ABCB1: variants seen among roughly 807,000 people sequenced by gnomAD.
The protein encoded by ABCB1 is ATP binding cassette subfamily B member 1.
In ABCB1, 69 loss-of-function variants were observed where a neutral mutation model predicts 142.0. The ratio of observed to expected loss-of-function variants is 0.49; its 90% confidence interval spans 0.40 to 0.59. The LOEUF is 0.59. Ranked by LOEUF, ABCB1 falls within the 20% of genes least tolerant of loss-of-function variation. The probability of loss-of-function intolerance (pLI) is 0.00; values close to 1 mark genes in which losing one functional copy is unlikely to be tolerated. For missense variants in ABCB1, 1,326 were observed against 1,554.7 expected, an observed-to-expected ratio of 0.85 and a Z score of 2.47; for synonymous variants, 532 against 539.2, an observed-to-expected ratio of 0.99 and a Z score of 0.18.
intron 1 of ABCB1, among the ~76,000 whole-genome samples, chr7:87,670,265 G>A (rs1303850000): frequency 3.3e-5 from 5 of 152,160 alleles, no homozygotes; most frequent in Non-Finnish European, 5.9e-5. Flanking sequence ...TTCTTCTGCT[G>A]TCAATACTTG....
intron 20 of ABCB1, among the ~76,000 whole-genome samples, chr7:87,533,687 A>G (rs2117136497): frequency 6.6e-6 from 1 of 152,310 alleles, no homozygotes. Context: ...TAGTAGCCAG[A>G]AAATTTTCAT....
In ABCB1 at chr7:87,592,436, C is replaced by T. The variant is rs1243779936; in HGVS notation, c.117+3330G>A. Among the ~76,000 whole-genome samples the T allele has an allele frequency of 2.0e-5, 3 of 152,256 alleles. No homozygotes were observed. In the East Asian group the frequency reaches 5.8e-4, roughly 29 times the overall value. ...TGATTATCCATATAACCATAAAAGT[C>T]ACCCAAGTTGGTTGGAGCACCAAAG... On this transcript the variant is annotated intron_variant, in intron 3 of 27. Coordinates refer to ENST00000622132, the MANE Select transcript of ABCB1 (RefSeq NM_001348946.2).
At chr7:87,597,503 T>C (rs974389997) in intron 2 of ABCB1, among the ~76,000 whole-genome samples, 1 of 152,086 alleles carries the variant, frequency 6.6e-6, no homozygotes, top group African/African-American at 2.4e-5. Context: ...CTATAGGCCA[T>C]GATAGAACCA....
At chr7:87,681,481 T>C (rs1158697363) in intron 1 of ABCB1, among the ~76,000 whole-genome samples, 2 of 150,762 alleles carry the variant, frequency 1.3e-5, no homozygotes, top group Non-Finnish European at 2.9e-5. Context: ...GTTTCCCCAG[T>C]GCGTATTAAA....
In ABCB1 at chr7:87,566,784, C is replaced by G. The variant is rs1563055727; in HGVS notation, c.530+1G>C. The G allele has an allele frequency of 6.2e-7, 1 of 1,614,006 alleles. No homozygotes were observed. The highest frequency in any genetic ancestry group is 8.5e-7 in the Non-Finnish European group (1 of 1,179,932). ...AGTTCAACATAAAACTAAATACTTA[C>G]TCTGTAAGTCGGGTGTTAAGCTCCC... is the stretch of plus-strand genomic sequence containing the variant. On this transcript the variant is annotated splice_donor_variant, in intron 6 of 27. Coordinates refer to ENST00000622132, the MANE Select transcript of ABCB1 (RefSeq NM_001348946.2). LOFTEE classifies it high-confidence loss of function.
intron 21 of ABCB1, among the ~76,000 whole-genome samples, chr7:87,530,611 A>C (rs964958400): frequency 2.7e-4 from 41 of 152,122 alleles, no homozygotes; most frequent in African/African-American, 9.4e-4. Context: ...GGGTAAAGAT[A>C]AACAGAAATA....
chr7:87,639,105 C>T (rs528345293), intron 1 of ABCB1, among the ~76,000 whole-genome samples: 15 of 132,630 alleles, frequency 1.1e-4, no homozygotes, highest in African/African-American at 2.9e-4. Flanking sequence ...TGAGAAGAGA[C>T]GGCACACCAC....
chr7:87,584,887 T>C (rs1317570046), intron 4 of ABCB1, among the ~76,000 whole-genome samples: 2 of 152,086 alleles, frequency 1.3e-5, no homozygotes, highest in African/African-American at 4.8e-5. Context: ...TTCTCCTTTC[T>C]TTTGGATCAT....
At chr7:87,518,343 T>A (rs1275938908) in intron 23 of ABCB1, among the ~76,000 whole-genome samples, 2 of 152,202 alleles carry the variant, frequency 1.3e-5, no homozygotes, top group African/African-American at 4.8e-5. Flanking sequence ...AATGCCCCAA[T>A]GTCAGCAACT....
At chr7:87,689,570 A>G (rs1394675347) in intron 1 of ABCB1, among the ~76,000 whole-genome samples, 1 of 152,158 alleles carries the variant, frequency 6.6e-6, no homozygotes, top group African/African-American at 2.4e-5. Context: ...TTAATTAGCT[A>G]ATATTGCTAA....
intron 9 of ABCB1, among the ~76,000 whole-genome samples, chr7:87,551,550 G>A (rs1817069015): frequency 6.6e-6 from 1 of 152,062 alleles, no homozygotes; most frequent in African/African-American, 2.4e-5. Context: ...GGACTGCAGT[G>A]GTGCAATCTT....
intron 27 of ABCB1, 144 bp downstream of exon 27, chr7:87,505,753 G>T: frequency 4.0e-6 from 4 of 991,002 alleles, no homozygotes; most frequent in African/African-American, 3.2e-5. Flanking sequence ...CTGAATAACA[G>T]CTACAGAAAG....
chr7:87,634,466 A>G (rs1480117189), intron 1 of ABCB1, among the ~76,000 whole-genome samples: 1 of 119,426 alleles, frequency 8.4e-6, no homozygotes, highest in Non-Finnish European at 1.7e-5. Context: ...TACTAAAAAT[A>G]CAAACAGTCA....
At position 87,539,360 on chromosome 7, in the gene ABCB1, A is replaced by G. The variant is rs1211294618; in HGVS notation, c.2320-15T>C. 1.2e-6 allele frequency: 2 copies of G among 1,613,294 alleles called. No individual in the cohort carries two copies. The highest frequency in any genetic ancestry group is 2.2e-5 in the South Asian group (2 of 91,074). ...AATGTGAAACCCTGTGGGCAGGAACATACCTTGTCAGGGACCCAGCCACCA... is the reference window on the plus strand; with the variant it reads ...AATGTGAAACCCTGTGGGCAGGAACGTACCTTGTCAGGGACCCAGCCACCA... On this transcript the variant is annotated splice_polypyrimidine_tract_variant and intron_variant, in intron 18 of 27. Transcript: ENST00000622132.
rs199659428 is a variant in ABCB1 at position 87,549,352 on chromosome 7, T to A, written c.1721A>T (p.Asp574Val). ...ESEAVVQVAL[D>V]KARKGRTTIV... ...TTTGAACTAAGCCTCACTGACCTTA[T>A]CCAGAGCCACCTGAACCACTGCTTC... The change falls in exon 14 of 28, where the codon GAT (aspartate) becomes GTT (valine). Residue 574 changes from aspartate to valine, a missense_variant. Asp to Val is a radical substitution (Grantham distance 152). Transcript: ENST00000622132. The A allele has an allele frequency of 1.9e-6, 3 of 1,614,050 alleles. No individual in the cohort carries two copies. The highest frequency in any genetic ancestry group is 2.5e-6 in the Non-Finnish European group (3 of 1,180,030).
chr7:87,693,554 TC>T (rs1828207470), intron 1 of ABCB1, among the ~76,000 whole-genome samples: 1 of 152,206 alleles, frequency 6.6e-6, no homozygotes, highest in Admixed American at 6.5e-5. Context: ...GCCAGCAAGT[TC>T]AGTCAAGCTG....
chr7:87,621,466 C>A (rs2130096848), intron 1 of ABCB1, among the ~76,000 whole-genome samples: 1 of 152,200 alleles, frequency 6.6e-6, no homozygotes, highest in African/African-American at 2.4e-5. Context: ...TAGGCTCTTT[C>A]ACCAATTGAC....
chr7:87,613,409 T>G, intron 1 of ABCB1, among the ~76,000 whole-genome samples: 1 of 151,990 alleles, frequency 6.6e-6, no homozygotes, highest in Non-Finnish European at 1.5e-5. Flanking sequence ...AAGACATATG[T>G]GCTTATATGT....
At chr7:87,564,636 T>TG (rs1473807706) in intron 7 of ABCB1, among the ~76,000 whole-genome samples, 20 of 152,146 alleles carry the variant, frequency 1.3e-4, no homozygotes, top group African/African-American at 4.8e-4. Context: ...AGACACAGAG[T>TG]GAACTACATT....
Sources: gnomAD v4.1 joint callset for allele counts (sites outside exome capture counted in the v4.1 genomes callset) on GRCh38, gnomAD v4.1.1 for gene constraint, MANE v1.5 for transcripts, NCBI Gene and HGNC (gene_info 2026-07-23, HGNC 2026-07-21) for gene names.